TAF8: variants seen among roughly 807,000 people sequenced by gnomAD.
TAF8 encodes the protein transcription initiation factor TFIID subunit 8.
Under a neutral mutation model 36.5 loss-of-function variants are expected in TAF8, and 47 were observed. That is an observed-to-expected ratio of 1.29 (90% CI 1.02 to 1.64). The LOEUF is 1.64. Among genes scored for constraint, TAF8 ranks in the 40% most tolerant of loss-of-function variants. The pLI is 0.00. For synonymous variants in TAF8, 175 were observed against 159.5 expected (o/e 1.10, Z -0.73); for missense variants, 420 against 407.6 (o/e 1.03, Z -0.26).
At chr6:42,066,085 G>A (rs1055496420) in intron 5 of TAF8, among the ~76,000 whole-genome samples, 4 of 152,126 alleles carry the variant, frequency 2.6e-5, no homozygotes, top group Non-Finnish European at 5.9e-5. Flanking sequence ...ATTTTTGGTA[G>A]AGACGGGGTT....
Position 42,078,545 on chromosome 6 carries a change from T to C in TAF8, c.*1000T>C. On this transcript the variant is annotated 3_prime_UTR_variant, in exon 9 of 9. Transcript: ENST00000372977. The stretch of plus-strand genomic sequence containing the variant: ...GGAGGCCACACAGCACAGCTTTGTT[T>C]GGGGTGGGCAGGAGTCAGGAGTCTT... 1.0e-6 allele frequency: 1 copy of C among 985,528 alleles called. No homozygotes were observed. Among genetic ancestry groups the C allele is most frequent in the Non-Finnish European group, 1.2e-6 (1 of 829,940 alleles). The allele number at this position is 985,528 out of a possible 1,614,324, so 61.0% of individuals were successfully genotyped here. A position where few individuals can be genotyped will look rare whatever the true frequency, so the allele number is the denominator to read the frequency against.
In TAF8 at chr6:42,083,063, T is replaced by C. The variant is rs750738944; in HGVS notation, c.*5518T>C. 1 of 152,250 alleles carries C rather than the reference T, an allele frequency of 6.6e-6. No individual in the cohort carries two copies. The highest frequency in any genetic ancestry group is 2.4e-5 in the African/African-American group (1 of 41,466). The allele number at this position is 152,250 out of a possible 1,614,324, so 9.4% of individuals were successfully genotyped here. On this transcript the variant is annotated 3_prime_UTR_variant, in exon 9 of 9. Transcript: ENST00000372977. ...AAAATTTAAAAGACAGAAAAAGATA[T>C]AAGTGATAACAAAATATCTTCCTCC...
At chr6:42,058,355 A>G (rs1210604785) in intron 5 of TAF8, among the ~76,000 whole-genome samples, 1 of 152,170 alleles carries the variant, frequency 6.6e-6, no homozygotes, top group African/African-American at 2.4e-5. Context: ...ACTCCAGCCT[A>G]GGCGACAGAG....
intron 6 of TAF8, among the ~76,000 whole-genome samples, chr6:42,067,098 A>G (rs549182500): frequency 2.6e-5 from 4 of 152,326 alleles, no homozygotes; most frequent in South Asian, 2.1e-4. Flanking sequence ...GAACCCTTCA[A>G]TGAGGCACAA....
At chr6:42,067,552 A>G (rs1045808566) in intron 6 of TAF8, among the ~76,000 whole-genome samples, 2 of 151,240 alleles carry the variant, frequency 1.3e-5, no homozygotes, top group African/African-American at 4.9e-5. Flanking sequence ...ATTCTACCAT[A>G]GAAGTACACA....
At chr6:42,072,415 A>G (rs1476495514) in intron 7 of TAF8, among the ~76,000 whole-genome samples, 1 of 152,162 alleles carries the variant, frequency 6.6e-6, no homozygotes, top group Non-Finnish European at 1.5e-5. Flanking sequence ...CCTGTTACCC[A>G]CTTTCCCTCC....
chr6:42,066,383 G>A lies in TAF8; in HGVS notation c.561G>A (p.Glu187=), dbSNP rs1427380130. 3.7e-6 allele frequency: 6 copies of A among 1,614,254 alleles called. No homozygotes were observed. In the African/African-American group the frequency reaches 5.3e-5, roughly 14 times the overall value. The change falls in exon 6 of 9, where the codon GAG becomes GAA. Residue 187 remains glutamate, a synonymous_variant. Coordinates refer to ENST00000372977, the MANE Select transcript of TAF8 (RefSeq NM_138572.3). ...CTGCATCCCAGAGGCGCGATGTGGA[G>A]CGGGCACTTACCCGTTTCATGGCCA... ...EKAASQRRDV[E]RALTRFMAKT...
chr6:42,051,466 G>A lies in TAF8; in HGVS notation c.155G>A (p.Ser52Asn). ...SSLLTEAGFE[S>N]AEKASVETLT... ...TTGCTGACAGAGGCAGGGTTTGAGA[G>A]TGCCGAGAAAGCATCCGTGGAAACG... The change falls in exon 2 of 9, where the codon AGT becomes AAT. Residue 52 changes from serine (S) to asparagine (N), a missense_variant. By Grantham distance (46) the Ser-to-Asn change is conservative (BLOSUM62 1). Transcript: ENST00000372977. The A allele has an allele frequency of 6.2e-7, 1 of 1,614,114 alleles. No homozygotes were observed. Among genetic ancestry groups the A allele is most frequent in the Non-Finnish European group, 8.5e-7 (1 of 1,180,012 alleles).
intron 3 of TAF8, 72 bp from the exon 4 acceptor site, chr6:42,055,880 A>ATAC (rs142602868): frequency 0.096 from 100,081 of 1,040,462 alleles, 6,021 homozygotes; most frequent in East Asian, 0.24. Context: ...CCATTTGTCC[A>ATAC]TACTACTACT....
Position 42,077,152 on chromosome 6 carries a change from C to A in TAF8, c.833C>A (p.Ser278Tyr), listed in dbSNP as rs1245665601. The A allele has an allele frequency of 1.2e-6, 2 of 1,614,186 alleles. No individual in the cohort carries two copies. Among genetic ancestry groups the A allele is most frequent in the Non-Finnish European group, 1.7e-6 (2 of 1,180,006 alleles). ...ENTSVLQQNP[S>Y]LSGSRNGEEN... ...ACCTCTGTCCTGCAGCAGAACCCCT[C>A]CTTGTCGGGTAGCCGGAATGGGGAG... is the stretch of plus-strand genomic sequence containing the variant. Residue 278 changes from serine to tyrosine, a missense_variant, in exon 8 of 9, where the codon TCC becomes TAC. Physicochemically the swap from Ser to Tyr is moderately radical, Grantham distance 144. Transcript: ENST00000372977.
chr6:42,077,586 AC>A lies in TAF8; in HGVS notation c.*44del. On this transcript the variant is annotated 3_prime_UTR_variant, in exon 9 of 9. Transcript: ENST00000372977. The stretch of plus-strand genomic sequence containing the variant: ...TGGCTTGTACAGGGGCGCAGATTCC[AC>A]CCTCCCGGGGAGTTAAAGCCACTCA... The A allele has an allele frequency of 6.2e-7, 1 of 1,608,278 alleles. No individual in the cohort carries two copies. Among genetic ancestry groups the A allele is most frequent in the Non-Finnish European group, 8.5e-7 (1 of 1,177,510 alleles).
rs1440786246 is a variant in TAF8, at chr6:42,078,809, G to C, written c.*1264G>C. ...TCTATTATGCTGGGACTTGACAGAG[G>C]AGCCATGGGGTTTAAACAGTAGGAA... On this transcript the variant is annotated 3_prime_UTR_variant, in exon 9 of 9. Coordinates refer to ENST00000372977, the MANE Select transcript of TAF8 (RefSeq NM_138572.3). The C allele has an allele frequency of 1.0e-5, 10 of 985,270 alleles. No individual in the cohort carries two copies. Among genetic ancestry groups the C allele is most frequent in the Non-Finnish European group, 1.1e-5 (9 of 829,962 alleles). The allele number at this position is 985,270 out of a possible 1,614,324, so 61.0% of individuals were successfully genotyped here.
rs1412468756 is a variant in TAF8, at chr6:42,072,435, A to G, written c.780+3828A>G. Among the ~76,000 whole-genome samples the G allele has an allele frequency of 2.6e-5, 4 of 152,280 alleles. No homozygotes were observed. In the South Asian group the frequency reaches 6.2e-4, roughly 24 times the overall value. ...TACCCACTTTCCCTCCCACAGAGCA[A>G]CTGTCTCACCAGCCTCTTATGTAGC... On this transcript the variant is annotated intron_variant, in intron 7 of 8. Coordinates refer to ENST00000372977, the MANE Select transcript of TAF8 (RefSeq NM_138572.3).
At chr6:42,063,479 A>G (rs1765253538) in intron 5 of TAF8, 1 of 152,214 alleles carries the variant, frequency 6.6e-6, no homozygotes. Flanking sequence ...ATTGTACAAA[A>G]TAATGTACAT....
rs751799886 is a variant in TAF8 at position 42,080,628 on chromosome 6, G to A, written c.*3083G>A. 9.9e-6 allele frequency: 9 copies of A among 910,502 alleles called. No individual in the cohort carries two copies. Among genetic ancestry groups the A allele is most frequent in the East Asian group, 1.2e-4 (1 of 8,434 alleles). 56.4% of individuals were successfully genotyped at this position (910,502 alleles called of 1,614,324 possible). ...TGACCTCAGATGATCCACCCACCTC[G>A]GCCTCCCAGTGTGGGTGGGATTACA... On this transcript the variant is annotated 3_prime_UTR_variant, in exon 9 of 9. Transcript: ENST00000372977.
At position 42,079,575 on chromosome 6, in the gene TAF8, T is replaced by C. The variant is rs914862577; in HGVS notation, c.*2030T>C. The stretch of plus-strand genomic sequence containing the variant: ...TTGGCTTCCACAGTTCAACTCCTTT[T>C]ATTTTGAGACAGGGTCTCGCTGTGT... On this transcript the variant is annotated 3_prime_UTR_variant, in exon 9 of 9. Coordinates refer to ENST00000372977, the MANE Select transcript of TAF8 (RefSeq NM_138572.3). 1 of 985,162 alleles carries C rather than the reference T, an allele frequency of 1.0e-6. No individual in the cohort carries two copies. The highest frequency in any genetic ancestry group is 1.7e-5 in the African/African-American group (1 of 57,224). 61.0% of individuals were successfully genotyped at this position (985,162 alleles called of 1,614,324 possible).
At chr6:42,076,127 G>A (rs1765739741) in intron 7 of TAF8, among the ~76,000 whole-genome samples, 1 of 151,770 alleles carries the variant, frequency 6.6e-6, no homozygotes, top group Non-Finnish European at 1.5e-5. Flanking sequence ...AGAATCTCTT[G>A]AACCCAGAGG....
intron 5 of TAF8, among the ~76,000 whole-genome samples, chr6:42,061,177 C>T (rs1385282520): frequency 6.6e-6 from 1 of 152,138 alleles, no homozygotes; most frequent in African/African-American, 2.4e-5. Context: ...AAGTCTATAG[C>T]CACTATTAAA....
chr6:42,057,446 C>G lies in TAF8; in HGVS notation c.422C>G (p.Pro141Arg), dbSNP rs1276039095. 1 of 1,614,038 alleles carries G rather than the reference C, an allele frequency of 6.2e-7. No homozygotes were observed. Among genetic ancestry groups the G allele is most frequent in the Non-Finnish European group, 8.5e-7 (1 of 1,180,018 alleles). Reference protein sequence around the residue: ...PKALTAGQNRPHPPHIPSHFP... With the variant: ...PKALTAGQNRRHPPHIPSHFP... ...GCCCTCACTGCAGGGCAGAACCGAC[C>G]CCACCCGCCGCACATCCCCAGCCAT... Residue 141 changes from proline to arginine, a missense_variant, in exon 5 of 9, where the codon CCC becomes CGC. Pro to Arg is a moderately radical substitution (Grantham distance 103). Transcript: ENST00000372977.
Sources: allele counts gnomAD v4.1 joint callset (sites outside exome capture counted in the v4.1 genomes callset), GRCh38; gene constraint gnomAD v4.1.1; transcripts MANE v1.5; gene names NCBI Gene and HGNC (gene_info 2026-07-23, HGNC 2026-07-21).